The following MEF2D variants were observed in gnomAD, a reference collection of about 807,000 sequenced individuals.
MEF2D encodes the protein myocyte enhancer factor 2D, also known as myocyte-specific enhancer factor 2D.
Under a neutral mutation model 59.3 loss-of-function variants are expected in MEF2D, and 10 were observed. The ratio of observed to expected loss-of-function variants is 0.17; its 90% confidence interval spans 0.10 to 0.29. MEF2D has a LOEUF of 0.29. Among genes scored for constraint, MEF2D ranks in the 10% least tolerant of loss-of-function variants. The pLI, the probability that MEF2D is intolerant of heterozygous loss-of-function variation, is 1.00. For synonymous variants in MEF2D, 305 were observed against 295.0 expected (o/e 1.03, Z -0.35); for missense variants, 508 against 699.4 (o/e 0.73, Z 3.09).
intron 9 of MEF2D, among the ~76,000 whole-genome samples, chr1:156,469,786 T>G (rs1294923916): frequency 6.6e-6 from 1 of 152,020 alleles, no homozygotes; most frequent in East Asian, 1.9e-4. Context: ...TTCAGGGGGC[T>G]GAGGCAGGAG....
chr1:156,470,420 A>G (rs1369462556), intron 9 of MEF2D, among the ~76,000 whole-genome samples: 1 of 146,472 alleles, frequency 6.8e-6, no homozygotes, highest in Non-Finnish European at 1.5e-5. Context: ...CTCTGTTTCA[A>G]AAAAAAAAAA....
At chr1:156,486,060 G>T (rs1255966754) in intron 1 of MEF2D, among the ~76,000 whole-genome samples, 1 of 152,112 alleles carries the variant, frequency 6.6e-6, no homozygotes, top group African/African-American at 2.4e-5. Context: ...ATGTTGGACA[G>T]GTTGGTCTCG....
chr1:156,468,899 T>TGGCTGCTGC lies in MEF2D; in HGVS notation c.1119_1127dup (p.Gln375_Gln377dup). On this transcript the variant is annotated inframe_insertion, in exon 10 of 12. Coordinates refer to ENST00000348159, the MANE Select transcript of MEF2D (RefSeq NM_005920.4). This position sits in a 1 kb window ranked among gnomAD's most constrained non-coding sequence, Gnocchi z 4.3. ...GCGGTGGCTGCTGCTGTGGAGGCTG[T>TGGCTGCTGC]GGCTGCTGCGGCTGCTGGGGCTGCT... The TGGCTGCTGC allele has an allele frequency of 6.2e-7, 1 of 1,613,420 alleles. No individual in the cohort carries two copies. The highest frequency in any genetic ancestry group is 8.5e-7 in the Non-Finnish European group (1 of 1,179,706).
Position 156,467,597 on chromosome 1 carries a change from A to G in MEF2D, c.*48T>C. 1 of 1,313,082 alleles carries G rather than the reference A, an allele frequency of 7.6e-7. No homozygotes were observed. The highest frequency in any genetic ancestry group is 9.8e-7 in the Non-Finnish European group (1 of 1,020,928). The allele number at this position is 1,313,082 out of a possible 1,614,324, so 81.3% of individuals were successfully genotyped here. A position where few individuals can be genotyped will look rare whatever the true frequency, so the allele number is the denominator to read the frequency against. On this transcript the variant is annotated 3_prime_UTR_variant, in exon 12 of 12. Transcript: ENST00000348159. ...GGGGCAGGGAAGGGCGGGCGGTGAG[A>G]TTGTCAACTCTTCATCAGGGAGGCT... is the stretch of plus-strand genomic sequence containing the variant.
intron 3 of MEF2D, 32 bp from the exon 4 acceptor site, chr1:156,481,003 A>AG (rs1409672821): frequency 1.2e-6 from 2 of 1,610,712 alleles, no homozygotes; most frequent in Non-Finnish European, 1.7e-6. Flanking sequence ...CAGCTGGGTG[A>AG]GAGTCCTTCC....
rs758341754 is a variant in MEF2D, at chr1:156,480,857, C to G, written c.373G>C (p.Asp125His). The change falls in exon 4 of 12, where the codon GAC (aspartate) becomes CAC (histidine). Residue 125 changes from aspartate to histidine, a missense_variant. Around this residue, in one of 2 missense-constraint regions of MEF2D, gnomAD observed 481 missense variants for 584.7 expected, o/e 0.82. Transcript: ENST00000348159. ...ACCCCATAGCGCCGGAAGAGCCCGTCGAGCTCCTCGCTGGCGCGTCGGTAC... is the reference window on the plus strand; with the variant it reads ...ACCCCATAGCGCCGGAAGAGCCCGTGGAGCTCCTCGCTGGCGCGTCGGTAC... ...DKYRRASEEL[D>H]GLFRRYGSTV... The G allele has an allele frequency of 1.3e-6, 2 of 1,598,740 alleles. No individual in the cohort carries two copies. Among genetic ancestry groups the G allele is most frequent in the Non-Finnish European group, 1.7e-6 (2 of 1,173,014 alleles).
In MEF2D at chr1:156,495,007, C is replaced by T. The variant is rs548412377; in HGVS notation, c.-139+5479G>A. Among the ~76,000 whole-genome samples, 5 of 152,308 alleles carry T rather than the reference C, an allele frequency of 3.3e-5. No homozygotes were observed. In the South Asian group the frequency reaches 1.0e-3, roughly 32 times the overall value. ...CAGCCTCTTGTGGTCCAAGCCTTCC[C>T]ACTCTAGTGTCTCTTCTCATTCATC... On this transcript the variant is annotated intron_variant, in intron 1 of 11. Transcript: ENST00000348159.
intron 6 of MEF2D, among the ~76,000 whole-genome samples, 176 bp downstream of exon 6, chr1:156,479,114 C>T (rs918518324): frequency 2.6e-5 from 4 of 152,220 alleles, no homozygotes; most frequent in Non-Finnish European, 4.4e-5. Context: ...CTACACCAAT[C>T]ATTGCTACAG....
At position 156,464,499 on chromosome 1, in the gene MEF2D, G is replaced by C. The variant is rs992503764; in HGVS notation, c.*3146C>G. On this transcript the variant is annotated 3_prime_UTR_variant, in exon 12 of 12. Transcript: ENST00000348159. ...GTCCCTGAAAGCTGTGGGAAACCTG[G>C]GGAGGGGGAGGGCCATTAGATGACT... 1 of 151,450 alleles carries C rather than the reference G, an allele frequency of 6.6e-6. No homozygotes were observed. The highest frequency in any genetic ancestry group is 2.4e-5 in the African/African-American group (1 of 41,102). The allele number at this position is 151,450 out of a possible 1,614,324, so 9.4% of individuals were successfully genotyped here.
chr1:156,482,689 G>A, intron 2 of MEF2D, 49 bp from the exon 3 acceptor site: 7 of 1,564,342 alleles, frequency 4.5e-6, no homozygotes, highest in Non-Finnish European at 6.2e-6. Flanking sequence ...GTTAAGGCCT[G>A]ATTGGGAGTC....
At chr1:156,496,178 C>T (rs949699928) in intron 1 of MEF2D, among the ~76,000 whole-genome samples, 3 of 152,134 alleles carry the variant, frequency 2.0e-5, no homozygotes, top group African/African-American at 7.2e-5. Context: ...ATGAAGAGGG[C>T]CTTGGGGATC....
At chr1:156,492,295 A>G (rs1672851631) in intron 1 of MEF2D, among the ~76,000 whole-genome samples, 1 of 152,222 alleles carries the variant, frequency 6.6e-6, no homozygotes, top group African/African-American at 2.4e-5. Flanking sequence ...GGTAGGACAG[A>G]TATAAGACTA....
At chr1:156,498,364 C>T (rs1673265409) in intron 1 of MEF2D, among the ~76,000 whole-genome samples, 1 of 152,108 alleles carries the variant, frequency 6.6e-6, no homozygotes, top group Non-Finnish European at 1.5e-5. Flanking sequence ...CCATGCCCAT[C>T]CCCCAACACA....
At chr1:156,494,745 C>G (rs564473414) in intron 1 of MEF2D, among the ~76,000 whole-genome samples, 25 of 152,344 alleles carry the variant, frequency 1.6e-4, no homozygotes, top group African/African-American at 5.8e-4. Flanking sequence ...AGCACCACCT[C>G]CCTTTCACAG....
intron 1 of MEF2D, chr1:156,484,175 A>G (rs1278263987): frequency 6.6e-6 from 1 of 152,300 alleles, no homozygotes; most frequent in African/African-American, 2.4e-5. Flanking sequence ...GACTGTGAAC[A>G]ATCAATTGAG....
intron 1 of MEF2D, among the ~76,000 whole-genome samples, chr1:156,496,599 TGCTATGCCCTTC>T (rs1339876765): frequency 6.6e-6 from 1 of 152,168 alleles, no homozygotes; most frequent in Non-Finnish European, 1.5e-5. Flanking sequence ...TCAAAGTTCT[TGCTATGCCCTTC>T]GCCTTCTTGC....
chr1:156,482,777 G>C, intron 2 of MEF2D, 137 bp from the exon 3 acceptor site: 1 of 796,092 alleles, frequency 1.3e-6, no homozygotes, highest in Non-Finnish European at 2.1e-6. Flanking sequence ...CTGGTCTCAG[G>C]AGTCCCTGGT....
In MEF2D at chr1:156,482,340, G is replaced by C. The variant is rs547817764; in HGVS notation, c.258+97C>G. The stretch of plus-strand genomic sequence containing the variant: ...CTACAAGGGGCATGTATACCAGTGT[G>C]TGTGCATAGGCAGGTCTGCGTGTAC... On this transcript the variant is annotated intron_variant, in intron 3 of 11. Coordinates refer to ENST00000348159, the MANE Select transcript of MEF2D (RefSeq NM_005920.4). 8.1e-6 allele frequency: 10 copies of C among 1,242,124 alleles called. No individual in the cohort carries two copies. In the African/African-American group the frequency reaches 1.5e-4, roughly 18 times the overall value. The allele number at this position is 1,242,124 out of a possible 1,614,324, so 76.9% of individuals were successfully genotyped here. A position where few individuals can be genotyped will look rare whatever the true frequency, so the allele number is the denominator to read the frequency against.
chr1:156,469,027 G>A lies in MEF2D; in HGVS notation c.1007-7C>T, dbSNP rs1466507253. ...GCACTGGTCAACTGGTAATCTGCAT[G>A]GAGGAAAAGTGAGGATGAACCTGGA... On this transcript the variant is annotated splice_region_variant and splice_polypyrimidine_tract_variant and intron_variant, in intron 9 of 11. Coordinates refer to ENST00000348159, the MANE Select transcript of MEF2D (RefSeq NM_005920.4). 6.3e-7 allele frequency: 1 copy of A among 1,587,286 alleles called. No individual in the cohort carries two copies. The highest frequency in any genetic ancestry group is 8.6e-7 in the Non-Finnish European group (1 of 1,159,492).
Sources: allele counts gnomAD v4.1 joint callset (sites outside exome capture counted in the v4.1 genomes callset), GRCh38; gene constraint gnomAD v4.1.1; regional missense constraint gnomAD v4.1.1; non-coding constraint Gnocchi (gnomAD v3.1); transcripts MANE v1.5; gene names NCBI Gene and HGNC (gene_info 2026-07-23, HGNC 2026-07-21).